Variants in CLASRP observed in about 807,000 individuals in gnomAD.
CLASRP encodes the protein CLK4 associating serine/arginine rich protein, also known as CLK4-associating serine/arginine rich protein.
CLASRP carries 52 observed loss-of-function variants against 99.9 expected under a neutral mutation model. The observed-to-expected ratio is 0.52, with a 90% CI of 0.42 to 0.66. The LOEUF is 0.66. Ranked by LOEUF, CLASRP falls within the 30% of genes least tolerant of loss-of-function variation. The pLI, the probability that CLASRP is intolerant of heterozygous loss-of-function variation, is 0.00. For synonymous variants in CLASRP, 379 were observed against 373.0 expected (o/e 1.02, Z -0.18); for missense variants, 848 against 999.2 (o/e 0.85, Z 2.04).
rs995955330 is a variant in CLASRP at position 45,067,373 on chromosome 19, C to T, written c.1446C>T (p.Gly482=). The change falls in exon 14 of 21, where the codon GGC becomes GGT. Residue 482 remains glycine, a synonymous_variant. Transcript: ENST00000221455. The surrounding 1 kb of genome is among the most constrained non-coding windows in gnomAD (Gnocchi z 4.9). ...ACTCAGGGGACCGCTACAGGCGGGG[C>T]GGCCGGGGCCTCAGGCACCACAGCA... is the stretch of plus-strand genomic sequence containing the variant. The part of the protein sequence containing the change: ...RSHSGDRYRR[G]GRGLRHHSSS... 7.2e-6 allele frequency: 11 copies of T among 1,526,566 alleles called. No homozygotes were observed. The highest frequency in any genetic ancestry group is 2.7e-5 in the African/African-American group (2 of 72,762). The allele number at this position is 1,526,566 out of a possible 1,614,324, so 94.6% of individuals were successfully genotyped here. A position where few individuals can be genotyped will look rare whatever the true frequency, so the allele number is the denominator to read the frequency against.
intron 2 of CLASRP, among the ~76,000 whole-genome samples, chr19:45,047,076 T>A (rs114214486): frequency 6.6e-6 from 1 of 152,138 alleles, no homozygotes; most frequent in Non-Finnish European, 1.5e-5. Flanking sequence ...TATACACTTA[T>A]GTTCATTACA....
intron 2 of CLASRP, among the ~76,000 whole-genome samples, chr19:45,045,942 T>A (rs2122536073): frequency 6.6e-6 from 1 of 152,250 alleles, no homozygotes; most frequent in South Asian, 2.1e-4. Context: ...CAGGGAAGCT[T>A]GCTGCATTGT....
chr19:45,069,984 A>G lies in CLASRP; in HGVS notation c.1875-38A>G, dbSNP rs557273596. On this transcript the variant is annotated intron_variant, in intron 18 of 20. Transcript: ENST00000221455. ...TGCCCTCCCTGAGTTCAGTGTGTCCAGTGTTCCCGGCCAGATGCTCATGCC... is the reference window on the plus strand; with the variant it reads ...TGCCCTCCCTGAGTTCAGTGTGTCCGGTGTTCCCGGCCAGATGCTCATGCC... 11 of 1,161,254 alleles carry G rather than the reference A, an allele frequency of 9.5e-6. No homozygotes were observed. In the East Asian group the frequency reaches 1.6e-4, roughly 17 times the overall value. The allele number at this position is 1,161,254 out of a possible 1,614,324, so 71.9% of individuals were successfully genotyped here. A position where few individuals can be genotyped will look rare whatever the true frequency, so the allele number is the denominator to read the frequency against.
rs1235559279 is a variant in CLASRP at position 45,067,193 on chromosome 19, T to G, written c.1410-144T>G. 25 of 984,514 alleles carry G rather than the reference T, an allele frequency of 2.5e-5. No homozygotes were observed. In the Admixed American group the frequency reaches 7.6e-4, roughly 30 times the overall value. The allele number at this position is 984,514 out of a possible 1,614,324, so 61.0% of individuals were successfully genotyped here. On this transcript the variant is annotated intron_variant, in intron 13 of 20. Coordinates refer to ENST00000221455, the MANE Select transcript of CLASRP (RefSeq NM_007056.3). This position sits in a 1 kb window ranked among gnomAD's most constrained non-coding sequence, Gnocchi z 4.9. ...GCCGGAATGCCGCTCTGGGACATTT[T>G]GGAGGGAGAGTAGCAGGAGAGGAGA...
chr19:45,052,738 C>T (rs903931327), intron 3 of CLASRP, 53 bp from the exon 4 acceptor site: 15 of 1,354,460 alleles, frequency 1.1e-5, no homozygotes, highest in Non-Finnish European at 1.5e-5. Context: ...GCTTTGTGTC[C>T]TGGGCAGTAT....
At chr19:45,066,620 C>CT (rs909070518) in intron 13 of CLASRP, among the ~76,000 whole-genome samples, 2 of 95,968 alleles carry the variant, frequency 2.1e-5, no homozygotes, top group Admixed American at 1.3e-4. Flanking sequence ...GAGAGACTGT[C>CT]TCAAAAAAAA....
chr19:45,064,065 CG>C lies in CLASRP; in HGVS notation c.962del (p.Gly321AlafsTer188). 1 of 1,607,482 alleles carries C rather than the reference CG, an allele frequency of 6.2e-7. No individual in the cohort carries two copies. Among genetic ancestry groups the C allele is most frequent in the Non-Finnish European group, 8.5e-7 (1 of 1,177,566 alleles). On this transcript the variant is annotated frameshift_variant, in exon 12 of 21. Coordinates refer to ENST00000221455, the MANE Select transcript of CLASRP (RefSeq NM_007056.3). LOFTEE classifies it high-confidence loss of function. ...CGCTCCCGCTCCCGCTCCCCGACCC[CG>C]GGCCGCGAGGAGAAGATCACGTTCA... ...ESRSRSRSPT[P>X]GREEKITFIT...
At position 45,052,959 on chromosome 19, in the gene CLASRP, C is replaced by T. The variant is rs1209424342; in HGVS notation, c.299+67C>T. On this transcript the variant is annotated intron_variant, in intron 4 of 20. Coordinates refer to ENST00000221455, the MANE Select transcript of CLASRP (RefSeq NM_007056.3). ...CCAGGAGCCCCTGTTCTTTTCCCAG[C>T]CTACCTGTCACCTTCCTAGGAGCCG... 3.3e-6 allele frequency: 5 copies of T among 1,530,312 alleles called. No individual in the cohort carries two copies. In the African/African-American group the frequency reaches 5.5e-5, roughly 17 times the overall value. 94.8% of individuals were successfully genotyped at this position (1,530,312 alleles called of 1,614,324 possible).
In CLASRP at chr19:45,059,295, A is replaced by G; in HGVS notation, c.641A>G (p.Asn214Ser). ...IDVEVDVDEL[N>S]QEQVADLNKQ... Reference sequence around the variant, plus strand: ...GTGGAGGTGGACGTGGATGAATTGAACCAGGAGCAGGTGGCAGATCTCAAC... The same window carrying G: ...GTGGAGGTGGACGTGGATGAATTGAGCCAGGAGCAGGTGGCAGATCTCAAC... Residue 214 changes from asparagine (N) to serine (S), a missense_variant, in exon 8 of 21, where the codon AAC becomes AGC. Coordinates refer to ENST00000221455, the MANE Select transcript of CLASRP (RefSeq NM_007056.3). The G allele has an allele frequency of 6.2e-7, 1 of 1,610,652 alleles. No homozygotes were observed. Among genetic ancestry groups the G allele is most frequent in the East Asian group, 2.2e-5 (1 of 44,810 alleles).
At chr19:45,043,774 C>T (rs1971861509) in intron 2 of CLASRP, among the ~76,000 whole-genome samples, 1 of 152,148 alleles carries the variant, frequency 6.6e-6, no homozygotes, top group African/African-American at 2.4e-5. Flanking sequence ...GAGAACTCAT[C>T]TCCGATAGTG....
At chr19:45,046,335 C>G (rs1056646892) in intron 2 of CLASRP, among the ~76,000 whole-genome samples, 3 of 152,188 alleles carry the variant, frequency 2.0e-5, no homozygotes, top group African/African-American at 7.2e-5. Context: ...GACTCCGGTT[C>G]TGTCATTGCT....
intron 10 of CLASRP, among the ~76,000 whole-genome samples, chr19:45,061,015 A>G (rs116471527): frequency 1.9e-4 from 29 of 152,204 alleles, no homozygotes; most frequent in African/African-American, 4.1e-4. Flanking sequence ...CTGAGCTTCA[A>G]TTTTTTCCTT....
At chr19:45,044,271 G>T (rs920093060) in intron 2 of CLASRP, among the ~76,000 whole-genome samples, 1 of 152,248 alleles carries the variant, frequency 6.6e-6, no homozygotes, top group Admixed American at 6.5e-5. Context: ...TGCGAGGTAG[G>T]TATTGATCAT....
chr19:45,058,055 C>G lies in CLASRP; in HGVS notation c.613+157C>G, dbSNP rs568070732. On this transcript the variant is annotated intron_variant, in intron 7 of 20. Coordinates refer to ENST00000221455, the MANE Select transcript of CLASRP (RefSeq NM_007056.3). ...AGCCTCCTGCTGCCCCTGTCTCACT[C>G]CTGTCCTCCTCCGTTCCGGCCTTCC... 3.4e-5 allele frequency: 29 copies of G among 846,464 alleles called. No homozygotes were observed. In the African/African-American group the frequency reaches 4.1e-4, roughly 12 times the overall value. The allele number at this position is 846,464 out of a possible 1,614,324, so 52.4% of individuals were successfully genotyped here. A position where few individuals can be genotyped will look rare whatever the true frequency, so the allele number is the denominator to read the frequency against.
intron 13 of CLASRP, among the ~76,000 whole-genome samples, chr19:45,065,089 GA>G (rs1967054469): frequency 6.6e-6 from 1 of 152,034 alleles, no homozygotes; most frequent in South Asian, 2.1e-4. Context: ...GAAGCGGGTG[GA>G]AAAAATCAAG....
At chr19:45,063,899 GT>G in intron 11 of CLASRP, 112 bp from the exon 12 acceptor site, 1 of 1,445,122 alleles carries the variant, frequency 6.9e-7, no homozygotes. Flanking sequence ...CACCCGCCTG[GT>G]TTCCCGGGTC....
chr19:45,050,802 C>T (rs1246459097), intron 2 of CLASRP, among the ~76,000 whole-genome samples: 2 of 151,948 alleles, frequency 1.3e-5, no homozygotes, highest in Non-Finnish European at 2.9e-5. Flanking sequence ...AACCTACCTC[C>T]ACCTCCTGGG....
At chr19:45,058,149 C>T (rs1972156935) in intron 7 of CLASRP, 1 of 515,560 alleles carries the variant, frequency 1.9e-6, no homozygotes, top group African/African-American at 1.9e-5. Flanking sequence ...GGTGTTGGCT[C>T]CATTCTCCTC....
At chr19:45,065,226 C>T (rs900851564) in intron 13 of CLASRP, among the ~76,000 whole-genome samples, 1 of 151,626 alleles carries the variant, frequency 6.6e-6, no homozygotes, top group African/African-American at 2.4e-5. Flanking sequence ...AACCCCGTCT[C>T]TACTGAAAAA....
Sources: gnomAD v4.1 joint callset for allele counts (sites outside exome capture counted in the v4.1 genomes callset) on GRCh38, gnomAD v4.1.1 for gene constraint, Gnocchi (gnomAD v3.1) non-coding constraint, MANE v1.5 for transcripts, NCBI Gene and HGNC (gene_info 2026-07-23, HGNC 2026-07-21) for gene names.